DOCK8: variants seen among roughly 807,000 people sequenced by gnomAD.
DOCK8 encodes the protein dedicator of cytokinesis protein 8.
In DOCK8, 141 loss-of-function variants were observed where a neutral mutation model predicts 245.6. The ratio of observed to expected loss-of-function variants is 0.57; its 90% CI spans 0.50 to 0.66. The LOEUF is 0.66. Among genes scored for constraint, DOCK8 ranks in the 30% least tolerant of loss-of-function variants. DOCK8 has a pLI of 0.00. For missense variants in DOCK8, 2,965 were observed against 2,603.4 expected (o/e 1.14, Z -3.02); for synonymous variants, 1,168 against 970.2 (o/e 1.20, Z -3.79).
At chr9:420,361 T>C (rs1393632858) in intron 30 of DOCK8, 40 bp from the exon 31 acceptor site, 1 of 1,612,976 alleles carries the variant, frequency 6.2e-7, no homozygotes, top group Admixed American at 1.7e-5. Context: ...GTTGCTTGAC[T>C]TCTTCCCTGG....
At chr9:354,457 T>G (rs964556458) in intron 14 of DOCK8, among the ~76,000 whole-genome samples, 2 of 152,182 alleles carry the variant, frequency 1.3e-5, no homozygotes, top group African/African-American at 4.8e-5. Context: ...TTTTAAAAAT[T>G]TACATACTTG....
intron 29 of DOCK8, among the ~76,000 whole-genome samples, chr9:417,760 A>G (rs1456372597): frequency 6.6e-6 from 1 of 152,258 alleles, no homozygotes; most frequent in African/African-American, 2.4e-5. Context: ...ATTATTTAAA[A>G]TAATGCCAAT....
In DOCK8 at chr9:372,268, C is replaced by T. The variant is rs943499860; in HGVS notation, c.2091C>T (p.Tyr697=). The T allele has an allele frequency of 1.2e-6, 2 of 1,613,864 alleles. No individual in the cohort carries two copies. The highest frequency in any genetic ancestry group is 3.3e-5 in the Admixed American group (2 of 60,002). ...CCTTGGAAAAATTGCCACCCAACTA[C>T]TCCATGCATTCTGCTGAGGTAATTG... is the stretch of plus-strand genomic sequence containing the variant. The part of the protein sequence containing the change: ...PVALEKLPPN[Y]SMHSAEKVPL... Residue 697 remains tyrosine, a synonymous_variant, in exon 18 of 48, where the codon TAC becomes TAT. Transcript: ENST00000432829.
chr9:413,166 G>T (rs564127719), intron 28 of DOCK8, among the ~76,000 whole-genome samples: 43 of 152,198 alleles, frequency 2.8e-4, no homozygotes, highest in African/African-American at 1.0e-3. Flanking sequence ...GGGGAAAATA[G>T]AATTTTCAAT....
rs768500884 is a variant in DOCK8, at chr9:403,892, C to CTATA, written c.3235-1005_3235-1002dup. Among the ~76,000 whole-genome samples, 114 of 73,736 alleles carry CTATA rather than the reference C, an allele frequency of 1.5e-3. 1 individual carries two copies. Among genetic ancestry groups the CTATA allele is most frequent in the African/African-American group, 3.2e-3 (41 of 12,956 alleles). 48.4% of individuals were successfully genotyped at this position (73,736 alleles called of 152,430 possible). ...TCTCTCTCTCTCTCTCTCTCTCTCT[C>CTATA]TATATATATATATATATATATATAC... On this transcript the variant is annotated intron_variant, in intron 26 of 47. Coordinates refer to ENST00000432829, the MANE Select transcript of DOCK8 (RefSeq NM_203447.4).
At chr9:442,149 A>AT in intron 42 of DOCK8, 140 bp downstream of exon 42, 4 of 1,219,848 alleles carry the variant, frequency 3.3e-6, no homozygotes, top group Non-Finnish European at 4.6e-6. Flanking sequence ...TTGCATTTAT[A>AT]AAAGGCAAAG....
At chr9:291,425 T>C (rs1382266495) in intron 4 of DOCK8, among the ~76,000 whole-genome samples, 2 of 152,140 alleles carry the variant, frequency 1.3e-5, no homozygotes, top group African/African-American at 4.8e-5. Context: ...TAGTGTTGGG[T>C]TTTTTTGGTA....
chr9:394,696 G>A (rs1023062146), intron 24 of DOCK8, among the ~76,000 whole-genome samples: 6 of 152,212 alleles, frequency 3.9e-5, no homozygotes, highest in African/African-American at 1.4e-4. Flanking sequence ...AGGACATGAA[G>A]TTCCACATTA....
At chr9:434,643 C>T (rs942577080) in intron 38 of DOCK8, 140 bp from the exon 39 acceptor site, 7 of 819,852 alleles carry the variant, frequency 8.5e-6, no homozygotes, top group African/African-American at 1.7e-5. Context: ...GTCTCGTTTT[C>T]TGGAAATATA....
At chr9:280,607 C>G (rs1303008879) in intron 2 of DOCK8, among the ~76,000 whole-genome samples, 2 of 152,174 alleles carry the variant, frequency 1.3e-5, no homozygotes, top group African/African-American at 2.4e-5. Flanking sequence ...AAAAGGCTTC[C>G]CACTGGCTAA....
chr9:238,151 A>T (rs927993567), intron 1 of DOCK8, among the ~76,000 whole-genome samples: 1 of 152,206 alleles, frequency 6.6e-6, no homozygotes, highest in African/African-American at 2.4e-5. Context: ...AGTTGTTTTA[A>T]TAATAACAAT....
At position 386,392 on chromosome 9, in the gene DOCK8, G is replaced by T; in HGVS notation, c.2840G>T (p.Ser947Ile). The T allele has an allele frequency of 6.2e-7, 1 of 1,613,918 alleles. No homozygotes were observed. The highest frequency in any genetic ancestry group is 2.2e-5 in the East Asian group (1 of 44,868). The change falls in exon 23 of 48, where the codon AGT becomes ATT. Residue 947 changes from serine (S) to isoleucine (I), a missense_variant. By Grantham distance (142) the Ser-to-Ile change is moderately radical (BLOSUM62 -2). This residue lies in a region of DOCK8 where 2,825 missense variants were observed against 2,453.5 expected (regional missense o/e 1.15). Transcript: ENST00000432829. The stretch of plus-strand genomic sequence containing the variant: ...TGCTCTGGCAGTAGTGATGCTCCAA[G>T]TTCACCTGCAGCCCCAAGGCCAGCC... ...YYCSGSSDAP[S>I]SPAAPRPASK...
At chr9:364,025 G>A (rs958324546) in intron 14 of DOCK8, among the ~76,000 whole-genome samples, 8 of 152,116 alleles carry the variant, frequency 5.3e-5, no homozygotes, top group African/African-American at 1.7e-4. Flanking sequence ...ATTGATAGGC[G>A]CCTTTTAATT....
intron 1 of DOCK8, among the ~76,000 whole-genome samples, chr9:262,830 T>A (rs2047949085): frequency 6.6e-6 from 1 of 152,268 alleles, no homozygotes; most frequent in Non-Finnish European, 1.5e-5. Flanking sequence ...AAGTAAAATG[T>A]GCTTCTTATA....
At position 432,194 on chromosome 9, in the gene DOCK8, C is replaced by A; in HGVS notation, c.4655C>A (p.Thr1552Asn). ...TTTGCAAGAGTAAAGATGCAAGTAA[C>A]CATGTCCCTGGCATCTTTGGTGGGA... ...SNFARVKMQVTMSLASLVGRA... is the reference protein window; with the variant it reads ...SNFARVKMQVNMSLASLVGRA... Residue 1552 changes from threonine to asparagine, a missense_variant, in exon 37 of 48, where the codon ACC (threonine) becomes AAC (asparagine). By Grantham distance (65) the Thr-to-Asn change is moderately conservative. Coordinates refer to ENST00000432829, the MANE Select transcript of DOCK8 (RefSeq NM_203447.4). 2 of 1,612,686 alleles carry A rather than the reference C, an allele frequency of 1.2e-6. No homozygotes were observed. Among genetic ancestry groups the A allele is most frequent in the Non-Finnish European group, 8.5e-7 (1 of 1,179,804 alleles).
intron 35 of DOCK8, 48 bp downstream of exon 35, chr9:428,544 C>G (rs888147365): frequency 5.0e-6 from 8 of 1,607,520 alleles, no homozygotes; most frequent in Non-Finnish European, 6.8e-6. Flanking sequence ...GAGTAAGATT[C>G]TCATCTAGCT....
intron 39 of DOCK8, among the ~76,000 whole-genome samples, chr9:438,493 C>G (rs1273396324): frequency 6.6e-6 from 1 of 152,216 alleles, no homozygotes; most frequent in Non-Finnish European, 1.5e-5. Context: ...CACATATTCA[C>G]TGCCAGGGCC....
At chr9:417,929 C>A in intron 29 of DOCK8, 139 bp from the exon 30 acceptor site, 1 of 991,994 alleles carries the variant, frequency 1.0e-6, no homozygotes, top group Non-Finnish European at 1.5e-6. Flanking sequence ...TAGGTGATAG[C>A]AGATACATAA....
At chr9:393,921 A>G (rs754687361) in intron 24 of DOCK8, among the ~76,000 whole-genome samples, 1 of 152,128 alleles carries the variant, frequency 6.6e-6, no homozygotes. Flanking sequence ...CCCCCAGGGT[A>G]CAGCAGCTGG....
Sources: allele counts gnomAD v4.1 joint callset (sites outside exome capture counted in the v4.1 genomes callset), GRCh38; gene constraint gnomAD v4.1.1; regional missense constraint gnomAD v4.1.1; transcripts MANE v1.5; gene names NCBI Gene and HGNC (gene_info 2026-07-23, HGNC 2026-07-21).